Variants in LPP observed in about 807,000 individuals in gnomAD.
The protein encoded by LPP is LIM domain containing preferred translocation partner in lipoma, also known as lipoma-preferred partner.
LPP carries 38 observed loss-of-function variants against 60.4 expected under a neutral mutation model. The ratio of observed to expected loss-of-function variants is 0.63; its 90% CI spans 0.49 to 0.83. LPP has a LOEUF of 0.83. Among genes scored for constraint, LPP ranks in the 40% least tolerant of loss-of-function variants. The pLI is 0.00. For synonymous variants in LPP, 328 were observed against 290.8 expected (o/e 1.13, Z -1.30); for missense variants, 902 against 783.6 (o/e 1.15, Z -1.80).
At chr3:188,229,887 G>A (rs1262540572) in intron 2 of LPP, among the ~76,000 whole-genome samples, 1 of 152,142 alleles carries the variant, frequency 6.6e-6, no homozygotes, top group Non-Finnish European at 1.5e-5. Context: ...TGGGTAGAGA[G>A]ACCTTTGTAG....
intron 2 of LPP, among the ~76,000 whole-genome samples, chr3:188,288,555 C>T (rs2150012763): frequency 6.6e-6 from 1 of 150,888 alleles, no homozygotes; most frequent in African/African-American, 2.4e-5. Context: ...CTGGTGGAGC[C>T]TTGGCCTTTT....
chr3:188,736,260 TATC>T (rs907112868), intron 8 of LPP, among the ~76,000 whole-genome samples: 9 of 152,062 alleles, frequency 5.9e-5, no homozygotes, highest in South Asian at 2.1e-4. Context: ...TGTATGTAAA[TATC>T]ATATAAAATT....
chr3:188,803,617 A>G (rs1477707144), intron 9 of LPP, among the ~76,000 whole-genome samples: 1 of 152,238 alleles, frequency 6.6e-6, no homozygotes, highest in Non-Finnish European at 1.5e-5. Context: ...CAGACCATAT[A>G]AACCATAGAT....
rs181611803 is a variant in LPP, at chr3:188,492,078, G to C, written c.306+7374G>C. Among the ~76,000 whole-genome samples, 680 of 152,194 alleles carry C rather than the reference G, an allele frequency of 4.5e-3. 10 individuals are homozygous for C. The highest frequency in any genetic ancestry group is 0.016 in the African/African-American group (645 of 41,512). The stretch of plus-strand genomic sequence containing the variant: ...TTATACTCTCTGCAGTGAAAGATTG[G>C]TTAACTGCTCGACAAAAAAAAGTCT... On this transcript the variant is annotated intron_variant, in intron 5 of 11. Transcript: ENST00000617246.
At chr3:188,718,316 G>A (rs1219881473) in intron 8 of LPP, among the ~76,000 whole-genome samples, 2 of 152,150 alleles carry the variant, frequency 1.3e-5, no homozygotes, top group Non-Finnish European at 2.9e-5. Flanking sequence ...GACAGTCTCC[G>A]ATGGCATGAA....
At chr3:188,864,480 T>C (rs1475098171) in intron 9 of LPP, among the ~76,000 whole-genome samples, 1 of 152,202 alleles carries the variant, frequency 6.6e-6, no homozygotes, top group Non-Finnish European at 1.5e-5. Context: ...GTAGAGGAAA[T>C]AGACATAAGC....
At chr3:188,570,584 T>C (rs1560578350) in intron 6 of LPP, among the ~76,000 whole-genome samples, 1 of 152,078 alleles carries the variant, frequency 6.6e-6, no homozygotes. Flanking sequence ...TCAATTAGTG[T>C]ACCTATTGGG....
chr3:188,830,356 G>A (rs1756821094), intron 9 of LPP, among the ~76,000 whole-genome samples: 1 of 149,788 alleles, frequency 6.7e-6, no homozygotes, highest in Non-Finnish European at 1.5e-5. Context: ...TGTAATCCCA[G>A]CCCTTTGGGA....
chr3:188,737,876 T>C (rs1261061502), intron 8 of LPP, among the ~76,000 whole-genome samples: 1 of 152,202 alleles, frequency 6.6e-6, no homozygotes, highest in East Asian at 1.9e-4. Context: ...GTTTAAATGG[T>C]CTTTAAGCAG....
chr3:188,534,426 A>C (rs2150313161), intron 6 of LPP, among the ~76,000 whole-genome samples: 1 of 152,368 alleles, frequency 6.6e-6, no homozygotes, highest in East Asian at 1.9e-4. Context: ...GTCTATGCAG[A>C]AGCACACATC....
At position 188,386,312 on chromosome 3, in the gene LPP, T is replaced by C. The variant is rs114943493; in HGVS notation, c.-9-19800T>C. Among the ~76,000 whole-genome samples the C allele has an allele frequency of 5.0e-3, 738 of 146,386 alleles. 2 individuals carry two copies. Among genetic ancestry groups the C allele is most frequent in the Non-Finnish European group, 7.9e-3 (525 of 66,876 alleles). On this transcript the variant is annotated intron_variant, in intron 3 of 11. Transcript: ENST00000617246. ...CACACACACACACACACACACATAA[T>C]CTCTCTGCCTTATTAGCCATTTATT...
intron 7 of LPP, among the ~76,000 whole-genome samples, chr3:188,691,442 A>G (rs1462660293): frequency 6.6e-6 from 1 of 152,252 alleles, no homozygotes. Context: ...CATCTGAAGC[A>G]TTTGGAGTAA....
At chr3:188,386,460 G>T (rs985500617) in intron 3 of LPP, among the ~76,000 whole-genome samples, 1 of 152,114 alleles carries the variant, frequency 6.6e-6, no homozygotes, top group Non-Finnish European at 1.5e-5. Flanking sequence ...AGCTCCCAAT[G>T]TTATCTTTAG....
At chr3:188,659,810 GCACACA>G (rs139762080) in intron 7 of LPP, among the ~76,000 whole-genome samples, 1 of 128,482 alleles carries the variant, frequency 7.8e-6, no homozygotes, top group African/African-American at 2.7e-5. Flanking sequence ...TAGATCCTAT[GCACACA>G]CACACACACA....
At position 188,486,529 on chromosome 3, in the gene LPP, G is replaced by C. The variant is rs199778937; in HGVS notation, c.306+1825G>C. Among the ~76,000 whole-genome samples, 4 of 152,270 alleles carry C rather than the reference G, an allele frequency of 2.6e-5. No homozygotes were observed. The East Asian group carries it at 7.7e-4, about 29-fold the overall frequency. The stretch of plus-strand genomic sequence containing the variant: ...ACTGAGAAGGCGACGCTTAAATGAG[G>C]ACTTGAAGAAGGAGAGGAGGGAATG... On this transcript the variant is annotated intron_variant, in intron 5 of 11. Transcript: ENST00000617246.
At chr3:188,846,810 T>C (rs1458955749) in intron 9 of LPP, among the ~76,000 whole-genome samples, 3 of 151,842 alleles carry the variant, frequency 2.0e-5, no homozygotes, top group African/African-American at 7.3e-5. Context: ...GTTGTAAACA[T>C]CCTTATCATG....
chr3:188,503,082 A>G (rs1229863383), intron 5 of LPP, among the ~76,000 whole-genome samples: 1 of 151,876 alleles, frequency 6.6e-6, no homozygotes, highest in East Asian at 1.9e-4. Flanking sequence ...TTGTGTATTC[A>G]ATTGATTTTT....
At chr3:188,565,137 G>A (rs954513283) in intron 6 of LPP, among the ~76,000 whole-genome samples, 11 of 151,816 alleles carry the variant, frequency 7.2e-5, no homozygotes, top group African/African-American at 2.4e-4. Flanking sequence ...TCTGGTTTGG[G>A]TTCAATGTCT....
At position 188,634,323 on chromosome 3, in the gene LPP, T is replaced by C. The variant is rs987602187; in HGVS notation, c.1113+24479T>C. On this transcript the variant is annotated intron_variant, in intron 7 of 11. Coordinates refer to ENST00000617246, the MANE Select transcript of LPP (RefSeq NM_001375462.1). ...ACTTACTGTGTGCCAGGCCCTGTGA[T>C]AGGAATGGAGGTAGAGAAGACACAA... Among the ~76,000 whole-genome samples, 7 of 152,288 alleles carry C rather than the reference T, an allele frequency of 4.6e-5. No individual in the cohort carries two copies. The South Asian group carries it at 1.5e-3, about 32-fold the overall frequency.
Sources: gnomAD v4.1 joint callset for allele counts (sites outside exome capture counted in the v4.1 genomes callset) on GRCh38, gnomAD v4.1.1 for gene constraint, MANE v1.5 for transcripts, NCBI Gene and HGNC (gene_info 2026-07-23, HGNC 2026-07-21) for gene names.